The following BCAS3 variants were observed in gnomAD, a reference collection of about 807,000 sequenced individuals.
The protein encoded by BCAS3 is BCAS3 microtubule associated cell migration factor.
BCAS3 carries 53 observed loss-of-function variants against 116.1 expected under a neutral mutation model. The observed-to-expected ratio is 0.46, with a 90% CI of 0.37 to 0.57. The LOEUF (loss-of-function observed/expected upper bound fraction) is 0.57. BCAS3 is among the 20% of genes least tolerant of loss of function. BCAS3 has a pLI of 0.00. For synonymous variants in BCAS3, 391 were observed against 408.2 expected (o/e 0.96, Z 0.51); for missense variants, 917 against 1,165.4 (o/e 0.79, Z 3.10).
chr17:60,849,034 G>A (rs1194491711), intron 7 of BCAS3, among the ~76,000 whole-genome samples: 1 of 152,174 alleles, frequency 6.6e-6, no homozygotes. Flanking sequence ...CCCTGTGTAT[G>A]AGTGTTTTAG....
At chr17:61,092,270 G>C (rs547451928) in intron 22 of BCAS3, among the ~76,000 whole-genome samples, 1 of 152,114 alleles carries the variant, frequency 6.6e-6, no homozygotes, top group South Asian at 2.1e-4. Context: ...GTCATTTCCA[G>C]CTTTTGGCTA....
chr17:60,789,186 G>T (rs937614882), intron 6 of BCAS3, among the ~76,000 whole-genome samples: 1 of 152,108 alleles, frequency 6.6e-6, no homozygotes, highest in African/African-American at 2.4e-5. Flanking sequence ...AACATCAAAA[G>T]AGAAGAGTTG....
rs570324449 is a variant in BCAS3 at position 61,012,185 on chromosome 17, T to C, written c.1487-3566T>C. 6.6e-6 allele frequency among the ~76,000 whole-genome samples: 1 copy of C among 152,204 alleles called. No homozygotes were observed. The highest frequency in any genetic ancestry group is 2.1e-4 in the South Asian group (1 of 4,830). On this transcript the variant is annotated intron_variant, in intron 15 of 23. Coordinates refer to ENST00000407086, the MANE Select transcript of BCAS3 (RefSeq NM_017679.5). This position sits in a 1 kb window ranked among gnomAD's most constrained non-coding sequence, Gnocchi z 4.5. ...TTTGTTAATATGTCTTTCTGTAACATTACATTATGAACTCTTTGAAAGTCC... is the reference window on the plus strand; with the variant it reads ...TTTGTTAATATGTCTTTCTGTAACACTACATTATGAACTCTTTGAAAGTCC...
In BCAS3 at chr17:61,143,717, G is replaced by A. The variant is rs562197272; in HGVS notation, c.2425+59153G>A. ...CCAGGTACTAGGGAGGCTGAGGCAG[G>A]AGAATCACTGAAACCTGGGAGGCAG... is the stretch of plus-strand genomic sequence containing the variant. On this transcript the variant is annotated intron_variant, in intron 22 of 23. Transcript: ENST00000407086. Among the ~76,000 whole-genome samples the A allele has an allele frequency of 1.1e-3, 163 of 152,330 alleles. 1 individual carries two copies. Among genetic ancestry groups the A allele is most frequent in the African/African-American group, 3.8e-3 (159 of 41,572 alleles).
chr17:60,924,734 A>G (rs1049497597), intron 13 of BCAS3, among the ~76,000 whole-genome samples: 2 of 152,072 alleles, frequency 1.3e-5, no homozygotes, highest in Non-Finnish European at 2.9e-5. Flanking sequence ...AATAGCAGCC[A>G]TTTAAACAAT....
intron 22 of BCAS3, among the ~76,000 whole-genome samples, chr17:61,232,200 G>GAAAAAAAAA (rs71148394): frequency 1.4e-5 from 1 of 72,478 alleles, no homozygotes; most frequent in African/African-American, 6.4e-5. Flanking sequence ...GAAAGACTCC[G>GAAAAAAAAA]AAAAAAAAAA....
rs1254730285 is a variant in BCAS3, at chr17:61,229,205, C to G, written c.2426-139122C>G. The stretch of plus-strand genomic sequence containing the variant: ...CCACCACATTCCTTTAAGCCAAAGC[C>G]TAATCCAGAGCAAGGCCCTACCTCT... On this transcript the variant is annotated intron_variant, in intron 22 of 23. Coordinates refer to ENST00000407086, the MANE Select transcript of BCAS3 (RefSeq NM_017679.5). The surrounding 1 kb of genome is among the most constrained non-coding windows in gnomAD (Gnocchi z 4.4). 1.3e-5 allele frequency among the ~76,000 whole-genome samples: 2 copies of G among 152,194 alleles called. No homozygotes were observed. Among genetic ancestry groups the G allele is most frequent in the Non-Finnish European group, 2.9e-5 (2 of 68,036 alleles).
In BCAS3 at chr17:61,229,679, C is replaced by A. The variant is rs2082556491; in HGVS notation, c.2426-138648C>A. Among the ~76,000 whole-genome samples the A allele has an allele frequency of 1.3e-5, 2 of 152,186 alleles. No individual in the cohort carries two copies. The highest frequency in any genetic ancestry group is 6.5e-5 in the Admixed American group (1 of 15,278). ...GGCAGCCTCAGTCCACGTTCATGAG[C>A]CACATTCTTGTGCTTCTCCATTTAC... On this transcript the variant is annotated intron_variant, in intron 22 of 23. Coordinates refer to ENST00000407086, the MANE Select transcript of BCAS3 (RefSeq NM_017679.5). This position sits in a 1 kb window ranked among gnomAD's most constrained non-coding sequence, Gnocchi z 4.4.
intron 14 of BCAS3, among the ~76,000 whole-genome samples, chr17:60,969,289 A>G (rs923766066): frequency 6.6e-6 from 1 of 152,198 alleles, no homozygotes; most frequent in Non-Finnish European, 1.5e-5. Flanking sequence ...TAAAGCATCT[A>G]TTATTACTAT....
Position 61,208,910 on chromosome 17 carries a change from T to G in BCAS3, c.2425+124346T>G, listed in dbSNP as rs953951760. 6.6e-6 allele frequency among the ~76,000 whole-genome samples: 1 copy of G among 151,758 alleles called. No individual in the cohort carries two copies. Among genetic ancestry groups the G allele is most frequent in the Non-Finnish European group, 1.5e-5 (1 of 67,958 alleles). On this transcript the variant is annotated intron_variant, in intron 22 of 23. Transcript: ENST00000407086. This position sits in a 1 kb window ranked among gnomAD's most constrained non-coding sequence, Gnocchi z 4.5. Reference sequence around the variant, plus strand: ...AAAAAAAAGGAGGGCCTGTATCTCTTGTGTAGCTCAGATCCTTTGGGTATT... The same window carrying G: ...AAAAAAAAGGAGGGCCTGTATCTCTGGTGTAGCTCAGATCCTTTGGGTATT...
intron 13 of BCAS3, among the ~76,000 whole-genome samples, chr17:60,927,696 C>CCCACCCCACAACAGTCCCCAGAGTGTGA (rs2059434875): frequency 1.3e-5 from 2 of 152,094 alleles, no homozygotes; most frequent in Non-Finnish European, 2.9e-5. Flanking sequence ...TCTATGAAGC[C>CCCACCCCACAACAGTCCCCAGAGTGTGA]TGTTAATATC....
chr17:61,123,151 T>C (rs2075875051), intron 22 of BCAS3, among the ~76,000 whole-genome samples: 1 of 151,958 alleles, frequency 6.6e-6, no homozygotes, highest in Non-Finnish European at 1.5e-5. Flanking sequence ...CTGTGTTGGC[T>C]AGGCTGGTCT....
chr17:61,147,323 G>A (rs1012312874), intron 22 of BCAS3, among the ~76,000 whole-genome samples: 9 of 152,102 alleles, frequency 5.9e-5, no homozygotes, highest in East Asian at 1.9e-4. Context: ...TAATCCGCCC[G>A]CCTCAGCCTC....
chr17:61,052,205 C>A (rs2068923070), intron 19 of BCAS3, among the ~76,000 whole-genome samples: 1 of 151,970 alleles, frequency 6.6e-6, no homozygotes, highest in South Asian at 2.1e-4. Flanking sequence ...TTGGTACTTT[C>A]CCAGCTTACT....
At position 61,214,200 on chromosome 17, in the gene BCAS3, A is replaced by G. The variant is rs778089370; in HGVS notation, c.2425+129636A>G. ...TCCAACATGGCGAAACCCCATCTCT[A>G]TTAAAAAATACAAAAATTAGCCAGG... On this transcript the variant is annotated intron_variant, in intron 22 of 23. Transcript: ENST00000407086. This position sits in a 1 kb window ranked among gnomAD's most constrained non-coding sequence, Gnocchi z 4.4. Among the ~76,000 whole-genome samples the G allele has an allele frequency of 8.6e-5, 13 of 151,846 alleles. No individual in the cohort carries two copies. Among genetic ancestry groups the G allele is most frequent in the South Asian group, 2.1e-4 (1 of 4,802 alleles).
chr17:61,292,932 A>G (rs2052569822), intron 22 of BCAS3, among the ~76,000 whole-genome samples: 1 of 152,240 alleles, frequency 6.6e-6, no homozygotes, highest in African/African-American at 2.4e-5. Context: ...AAAAATCTCC[A>G]ATTAAATCAT....
In BCAS3 at chr17:61,281,383, A is replaced by AT. The variant is rs2051233195; in HGVS notation, c.2426-86938dup. On this transcript the variant is annotated intron_variant, in intron 22 of 23. Transcript: ENST00000407086. The surrounding 1 kb of genome is among the most constrained non-coding windows in gnomAD (Gnocchi z 4.2). Reference sequence around the variant, plus strand: ...AGGTCAAAGGATAAGTGACCTAGGAATTTTTTGTAATTTAATTATTTAATG... The same window carrying AT: ...AGGTCAAAGGATAAGTGACCTAGGAATTTTTTTGTAATTTAATTATTTAATG... Among the ~76,000 whole-genome samples the AT allele has an allele frequency of 2.6e-5, 4 of 152,168 alleles. No individual in the cohort carries two copies. The highest frequency in any genetic ancestry group is 2.6e-4 in the Admixed American group (4 of 15,264).
chr17:61,020,415 G>A lies in BCAS3; in HGVS notation c.1637+4514G>A, dbSNP rs578167395. Among the ~76,000 whole-genome samples the A allele has an allele frequency of 1.2e-4, 18 of 152,192 alleles. No homozygotes were observed. The South Asian group carries it at 2.5e-3, about 21-fold the overall frequency. The stretch of plus-strand genomic sequence containing the variant: ...ACTTGGAGGTAATAAGGCCTGTTTT[G>A]GCAACAGCTGCTGCTTAACTCTGTG... On this transcript the variant is annotated intron_variant, in intron 16 of 23. Coordinates refer to ENST00000407086, the MANE Select transcript of BCAS3 (RefSeq NM_017679.5). This position sits in a 1 kb window ranked among gnomAD's most constrained non-coding sequence, Gnocchi z 4.5.
At chr17:61,133,228 GATTAAAGATCTGC>G (rs1402965670) in intron 22 of BCAS3, among the ~76,000 whole-genome samples, 1 of 152,134 alleles carries the variant, frequency 6.6e-6, no homozygotes, top group East Asian at 1.9e-4. Context: ...GAACGTCTGA[GATTAAAGATCTGC>G]ATTAAAGATG....
Sources: gnomAD v4.1 joint callset for allele counts (sites outside exome capture counted in the v4.1 genomes callset) on GRCh38, gnomAD v4.1.1 for gene constraint, Gnocchi (gnomAD v3.1) non-coding constraint, MANE v1.5 for transcripts, NCBI Gene and HGNC (gene_info 2026-07-23, HGNC 2026-07-21) for gene names.